Variants in GTF2I observed in about 807,000 individuals in gnomAD.
GTF2I encodes general transcription factor II-I.
A neutral mutation model predicts 67.6 loss-of-function variants in GTF2I; 12 were observed. The observed-to-expected ratio is 0.18, with a 90% CI of 0.11 to 0.29. The LOEUF is 0.29. GTF2I is among the 10% of genes least tolerant of loss of function. The probability of loss-of-function intolerance (pLI) is 1.00; values close to 1 mark genes in which losing one functional copy is unlikely to be tolerated. For synonymous variants in GTF2I, 149 were observed against 197.0 expected (o/e 0.76, Z 2.04); for missense variants, 271 against 580.1 (o/e 0.47, Z 5.47).
intron 7 of GTF2I, among the ~76,000 whole-genome samples, chr7:74,706,041 C>A (rs1255903763): frequency 6.6e-6 from 1 of 151,652 alleles, no homozygotes; most frequent in African/African-American, 2.4e-5. Context: ...CAACCTCCAC[C>A]TCCCGGATTC....
At chr7:74,662,488 G>C in intron 1 of GTF2I, among the ~76,000 whole-genome samples, 1 of 141,144 alleles carries the variant, frequency 7.1e-6, no homozygotes. Context: ...GGGATTACAG[G>C]CGTGAGCCAC....
At chr7:74,703,551 A>T (rs1268591847) in intron 6 of GTF2I, among the ~76,000 whole-genome samples, 3 of 152,136 alleles carry the variant, frequency 2.0e-5, no homozygotes, top group East Asian at 3.9e-4. Context: ...GGATAACTTT[A>T]GTATTTTTAG....
chr7:74,698,113 G>A (rs1486559362), intron 3 of GTF2I, among the ~76,000 whole-genome samples: 1 of 152,074 alleles, frequency 6.6e-6, no homozygotes, highest in Non-Finnish European at 1.5e-5. Context: ...CCGCCACCAC[G>A]CCCGGAGAAT....
chr7:74,724,169 C>T, intron 12 of GTF2I, among the ~76,000 whole-genome samples: 1 of 152,106 alleles, frequency 6.6e-6, no homozygotes, highest in East Asian at 1.9e-4. Context: ...TTAATAAATA[C>T]CCAATTGTTT....
In GTF2I at chr7:74,719,727, C is replaced by A. The variant is rs587708466; in HGVS notation, c.943+786C>A. Among the ~76,000 whole-genome samples, 126 of 152,262 alleles carry A rather than the reference C, an allele frequency of 8.3e-4. No individual in the cohort carries two copies. The Middle Eastern group carries it at 0.014, about 16-fold the overall frequency. On this transcript the variant is annotated intron_variant, in intron 12 of 34. Coordinates refer to ENST00000573035, the MANE Select transcript of GTF2I (RefSeq NM_032999.4). ...CTGAGGTCGGGAGCTCAAGACCAGC[C>A]TGACCAGCATGGTGAAACGCCCATC...
At chr7:74,707,066 TC>T (rs782618867) in intron 8 of GTF2I, among the ~76,000 whole-genome samples, 33 of 152,194 alleles carry the variant, frequency 2.2e-4, no homozygotes, top group Non-Finnish European at 4.4e-4. Flanking sequence ...GCCTGGCTGG[TC>T]TTGAACTCCT....
At chr7:74,707,897 T>C (rs1468702257) in intron 8 of GTF2I, among the ~76,000 whole-genome samples, 2 of 152,142 alleles carry the variant, frequency 1.3e-5, no homozygotes, top group African/African-American at 4.8e-5. Flanking sequence ...CTTTTACACT[T>C]TGCATCTTTG....
intron 8 of GTF2I, among the ~76,000 whole-genome samples, chr7:74,710,355 T>C (rs1159262284): frequency 6.6e-6 from 1 of 152,150 alleles, no homozygotes; most frequent in African/African-American, 2.4e-5. Context: ...AGAGGGAGTC[T>C]CGCCGTGTCA....
intron 12 of GTF2I, among the ~76,000 whole-genome samples, chr7:74,724,254 G>A (rs587610904): frequency 3.3e-5 from 5 of 152,160 alleles, no homozygotes; most frequent in Non-Finnish European, 7.4e-5. Context: ...GAAATGTATA[G>A]GGTAATTAAT....
intron 1 of GTF2I, among the ~76,000 whole-genome samples, chr7:74,671,417 T>G (rs1805444021): frequency 1.3e-5 from 2 of 151,282 alleles, no homozygotes; most frequent in Non-Finnish European, 2.9e-5. Flanking sequence ...TGTCATTCTT[T>G]CCTTCACCTG....
chr7:74,684,613 A>G (rs1395704280), intron 1 of GTF2I: 2 of 152,336 alleles, frequency 1.3e-5, no homozygotes, highest in Non-Finnish European at 2.9e-5. Context: ...AACTCTTGGG[A>G]TGGGCAAAGA....
chr7:74,696,271 C>T (rs1441048941), intron 3 of GTF2I, among the ~76,000 whole-genome samples: 2 of 151,774 alleles, frequency 1.3e-5, no homozygotes, highest in African/African-American at 4.8e-5. Flanking sequence ...CGTGAGCCAC[C>T]GTGACTGGCC....
At chr7:74,720,084 T>C (rs958562106) in intron 12 of GTF2I, among the ~76,000 whole-genome samples, 2 of 152,240 alleles carry the variant, frequency 1.3e-5, no homozygotes, top group African/African-American at 4.8e-5. Context: ...TACTGAGGGA[T>C]GTATGCCAGC....
chr7:74,678,476 C>G (rs764114618), intron 1 of GTF2I, among the ~76,000 whole-genome samples: 23 of 152,154 alleles, frequency 1.5e-4, no homozygotes, highest in Non-Finnish European at 1.8e-4. Flanking sequence ...AGTAAAGGTG[C>G]AGTGTAGATC....
At chr7:74,712,074 C>T (rs1169196751) in intron 9 of GTF2I, among the ~76,000 whole-genome samples, 1 of 151,586 alleles carries the variant, frequency 6.6e-6, no homozygotes, top group Non-Finnish European at 1.5e-5. Context: ...CTCAGCCTCC[C>T]GAATAGCTGG....
chr7:74,687,571 G>GTTA, intron 1 of GTF2I: 1 of 983,794 alleles, frequency 1.0e-6, no homozygotes, highest in Non-Finnish European at 1.2e-6. Context: ...TGTATGCTTC[G>GTTA]TTACTTGTTG....
chr7:74,693,629 G>A (rs917294473), intron 3 of GTF2I, among the ~76,000 whole-genome samples: 2 of 151,956 alleles, frequency 1.3e-5, no homozygotes, highest in East Asian at 1.9e-4. Flanking sequence ...TGTGGACCAC[G>A]AGGTCAAGAG....
chr7:74,715,839 CA>C (rs1792192685), intron 10 of GTF2I, among the ~76,000 whole-genome samples: 1 of 151,976 alleles, frequency 6.6e-6, no homozygotes, highest in South Asian at 2.1e-4. Flanking sequence ...TACTGAGAAC[CA>C]AAAAGATGTG....
chr7:74,704,296 T>TTTA (rs1554400691), intron 6 of GTF2I, among the ~76,000 whole-genome samples: 2 of 16,950 alleles, frequency 1.2e-4, no homozygotes, highest in Non-Finnish European at 2.5e-4. Context: ...TTATTTATTT[T>TTTA]TTTATTTATT....
Sources: gnomAD v4.1 joint callset for allele counts (sites outside exome capture counted in the v4.1 genomes callset) on GRCh38, gnomAD v4.1.1 for gene constraint, MANE v1.5 for transcripts, NCBI Gene and HGNC (gene_info 2026-07-23, HGNC 2026-07-21) for gene names.